LHPP: variants seen among roughly 807,000 people sequenced by gnomAD.
LHPP encodes phospholysine phosphohistidine inorganic pyrophosphate phosphatase, also known as hLHPP.
LHPP carries 24 observed loss-of-function variants against 30.3 expected under a neutral mutation model. The observed-to-expected ratio is 0.79, with a 90% CI of 0.57 to 1.11. The LOEUF (loss-of-function observed/expected upper bound fraction) is 1.11. LHPP is among the 50% of genes most tolerant of loss of function. The pLI is 0.00. For synonymous variants in LHPP, 150 were observed against 157.1 expected, an observed-to-expected ratio of 0.95 and a Z score of 0.34; for missense variants, 356 against 367.2, an observed-to-expected ratio of 0.97 and a Z score of 0.25.
At chr10:124,591,447 C>T (rs1295375410) in intron 6 of LHPP, among the ~76,000 whole-genome samples, 2 of 151,986 alleles carry the variant, frequency 1.3e-5, no homozygotes, top group Non-Finnish European at 2.9e-5. Context: ...CCTGGGCTGT[C>T]CCCCCGACTC....
chr10:124,528,173 A>G (rs1447904876), intron 6 of LHPP, among the ~76,000 whole-genome samples: 2 of 152,248 alleles, frequency 1.3e-5, no homozygotes, highest in Middle Eastern at 3.4e-3. Flanking sequence ...AGGGCCCGCC[A>G]TGGTGGTGGC....
At chr10:124,490,749 T>C (rs777631402) in intron 3 of LHPP, among the ~76,000 whole-genome samples, 3 of 152,214 alleles carry the variant, frequency 2.0e-5, no homozygotes, top group Non-Finnish European at 4.4e-5. Context: ...ACGAGTATTT[T>C]TGAGGTTCTT....
chr10:124,570,784 C>A (rs893054017), intron 6 of LHPP, among the ~76,000 whole-genome samples: 1 of 152,222 alleles, frequency 6.6e-6, no homozygotes, highest in African/African-American at 2.4e-5. Flanking sequence ...ATCTGTGTTA[C>A]GGTGTGTATC....
intron 6 of LHPP, among the ~76,000 whole-genome samples, chr10:124,602,866 C>T (rs1949041849): frequency 6.6e-6 from 1 of 152,220 alleles, no homozygotes; most frequent in African/African-American, 2.4e-5. Context: ...GCAGTGCGCC[C>T]CTCTCCTATT....
At chr10:124,519,645 C>T (rs923494074) in intron 6 of LHPP, among the ~76,000 whole-genome samples, 8 of 152,210 alleles carry the variant, frequency 5.3e-5, no homozygotes, top group African/African-American at 1.4e-4. Flanking sequence ...TATGCCTTTG[C>T]GTCCTCATAA....
chr10:124,543,735 A>AT (rs35442669), intron 6 of LHPP, among the ~76,000 whole-genome samples: 26,872 of 151,558 alleles, frequency 0.18, 4,062 homozygotes, highest in African/African-American at 0.41. Context: ...TAGTTTGTAC[A>AT]TTTTTTATGG....
intron 5 of LHPP, among the ~76,000 whole-genome samples, chr10:124,512,616 C>CAA (rs34808470): frequency 0.049 from 2,573 of 52,936 alleles, 209 homozygotes; most frequent in African/African-American, 0.16. Flanking sequence ...GACTCCGTCT[C>CAA]AAAAAAAAAA....
chr10:124,547,926 A>G (rs1485910948), intron 6 of LHPP, among the ~76,000 whole-genome samples: 1 of 152,112 alleles, frequency 6.6e-6, no homozygotes, highest in Non-Finnish European at 1.5e-5. Context: ...AATAATCCAC[A>G]TGGCCCTGTC....
rs527714610 is a variant in LHPP at position 124,489,590 on chromosome 10, G to A, written c.467+1015G>A. ...CTGCCTCAGCCTCCTGAGTAGCTGG[G>A]ACTACAGGCGCCCGCCACCATCCCA... is the stretch of plus-strand genomic sequence containing the variant. On this transcript the variant is annotated intron_variant, in intron 3 of 6. Coordinates refer to ENST00000368842, the MANE Select transcript of LHPP (RefSeq NM_022126.4). 1.1e-4 allele frequency among the ~76,000 whole-genome samples: 16 copies of A among 152,212 alleles called. No homozygotes were observed. The East Asian group carries it at 3.1e-3, about 29-fold the overall frequency.
At chr10:124,602,567 C>T (rs1419307469) in intron 6 of LHPP, among the ~76,000 whole-genome samples, 1 of 152,112 alleles carries the variant, frequency 6.6e-6, no homozygotes. Flanking sequence ...GGTTTACCCA[C>T]TAGGGCTCAG....
At position 124,533,935 on chromosome 10, in the gene LHPP, G is replaced by A. The variant is rs143196878; in HGVS notation, c.716+16664G>A. On this transcript the variant is annotated intron_variant, in intron 6 of 6. Transcript: ENST00000368842. Reference sequence around the variant, plus strand: ...ATAGGGAGTGACACAGGGGCTCAGGGCTTTCCCATGAGTCGAGGCTCATTG... The same window carrying A: ...ATAGGGAGTGACACAGGGGCTCAGGACTTTCCCATGAGTCGAGGCTCATTG... 2.9e-3 allele frequency among the ~76,000 whole-genome samples: 434 copies of A among 152,274 alleles called. 3 individuals are homozygous for A. Among genetic ancestry groups the A allele is most frequent in the Non-Finnish European group, 4.4e-3 (298 of 68,014 alleles).
intron 3 of LHPP, among the ~76,000 whole-genome samples, chr10:124,495,613 C>G (rs920614977): frequency 2.6e-5 from 4 of 152,300 alleles, no homozygotes; most frequent in East Asian, 3.9e-4. Flanking sequence ...AGGGCACAGC[C>G]CCAGGGCAGC....
intron 6 of LHPP, among the ~76,000 whole-genome samples, chr10:124,574,355 G>A (rs542141569): frequency 9.4e-4 from 143 of 152,312 alleles, no homozygotes; most frequent in Middle Eastern, 3.4e-3. Context: ...GGATTCGCTC[G>A]CCACCAAGAG....
chr10:124,470,571 T>C (rs778612395), intron 1 of LHPP, among the ~76,000 whole-genome samples: 3 of 151,826 alleles, frequency 2.0e-5, no homozygotes, highest in Non-Finnish European at 4.4e-5. Flanking sequence ...GGCACCCCAG[T>C]ATCCCCTCCT....
Position 124,496,951 on chromosome 10 carries a change from T to C in LHPP, c.468-10T>C. The C allele has an allele frequency of 6.2e-7, 1 of 1,612,464 alleles. No individual in the cohort carries two copies. The highest frequency in any genetic ancestry group is 8.5e-7 in the Non-Finnish European group (1 of 1,179,220). On this transcript the variant is annotated splice_polypyrimidine_tract_variant and intron_variant, in intron 3 of 6. Coordinates refer to ENST00000368842, the MANE Select transcript of LHPP (RefSeq NM_022126.4). This position sits in a 1 kb window ranked among gnomAD's most constrained non-coding sequence, Gnocchi z 4.3. ...CTCAGCATCCCGTGCTCCGTTCTGC[T>C]CTCTCCTAGGCGTTACTACAAGGAG...
At chr10:124,564,505 C>T (rs531926907) in intron 6 of LHPP, among the ~76,000 whole-genome samples, 81 of 152,244 alleles carry the variant, frequency 5.3e-4, no homozygotes, top group African/African-American at 1.7e-3. Context: ...CCTCCCACTT[C>T]AGCCTCTCAA....
chr10:124,474,873 GCTC>G (rs1310830978), intron 1 of LHPP, among the ~76,000 whole-genome samples: 1 of 152,048 alleles, frequency 6.6e-6, no homozygotes, highest in African/African-American at 2.4e-5. Flanking sequence ...TACACTCTGG[GCTC>G]CTCCTGCTGG....
Position 124,613,001 on chromosome 10 carries a change from C to T in LHPP, c.717-263C>T, listed in dbSNP as rs557557410. 4.0e-4 allele frequency: 216 copies of T among 535,866 alleles called. 1 individual carries two copies. In the East Asian group the frequency reaches 6.4e-3, roughly 16 times the overall value. 33.2% of individuals were successfully genotyped at this position (535,866 alleles called of 1,614,324 possible). A position where few individuals can be genotyped will look rare whatever the true frequency, so the allele number is the denominator to read the frequency against. ...GAGGGAGCTGGGCCGGCTGTCACTCCACCACAAGGCTGAGCAGGCTCCCCA... is the reference window on the plus strand; with the variant it reads ...GAGGGAGCTGGGCCGGCTGTCACTCTACCACAAGGCTGAGCAGGCTCCCCA... On this transcript the variant is annotated intron_variant, in intron 6 of 6. Transcript: ENST00000368842.
At chr10:124,603,291 T>C (rs1949050061) in intron 6 of LHPP, among the ~76,000 whole-genome samples, 1 of 152,064 alleles carries the variant, frequency 6.6e-6, no homozygotes, top group South Asian at 2.1e-4. Flanking sequence ...ACACATTCCA[T>C]GTGTAGGGGC....
Sources: allele counts gnomAD v4.1 joint callset (sites outside exome capture counted in the v4.1 genomes callset), GRCh38; gene constraint gnomAD v4.1.1; non-coding constraint Gnocchi (gnomAD v3.1); transcripts MANE v1.5; gene names NCBI Gene and HGNC (gene_info 2026-07-23, HGNC 2026-07-21).